ELP3: variants seen among roughly 807,000 people sequenced by gnomAD.
ELP3 encodes elongator acetyltransferase complex subunit 3, also known as elongator complex protein 3.
In ELP3, 56 loss-of-function variants were observed where a neutral mutation model predicts 74.9. The ratio of observed to expected loss-of-function variants is 0.75; its 90% CI spans 0.60 to 0.93. The LOEUF is 0.93. Among genes scored for constraint, ELP3 ranks in the 40% least tolerant of loss-of-function variants. The probability of loss-of-function intolerance (pLI) is 0.00; values close to 1 mark genes in which losing one functional copy is unlikely to be tolerated. For missense variants in ELP3, 573 were observed against 686.5 expected, an observed-to-expected ratio of 0.83 and a Z score of 1.85; for synonymous variants, 222 against 239.8, an observed-to-expected ratio of 0.93 and a Z score of 0.68.
At chr8:28,094,928 G>A (rs1274500055) in intron 1 of ELP3, among the ~76,000 whole-genome samples, 1 of 151,958 alleles carries the variant, frequency 6.6e-6, no homozygotes, top group Non-Finnish European at 1.5e-5. Context: ...TCTTTGTACC[G>A]ATAATATTCT....
intron 12 of ELP3, among the ~76,000 whole-genome samples, chr8:28,159,617 G>A (rs577429181): frequency 1.3e-5 from 2 of 152,316 alleles, no homozygotes; most frequent in Admixed American, 1.3e-4. Context: ...CCAAAAGCCT[G>A]TGCAGACTGC....
At chr8:28,186,139 G>A (rs1815230631) in intron 14 of ELP3, among the ~76,000 whole-genome samples, 1 of 152,116 alleles carries the variant, frequency 6.6e-6, no homozygotes, top group South Asian at 2.1e-4. Context: ...TCAAATTCAT[G>A]GAGACAGAAA....
At chr8:28,184,068 G>C (rs529003096) in intron 14 of ELP3, among the ~76,000 whole-genome samples, 40 of 152,236 alleles carry the variant, frequency 2.6e-4, no homozygotes, top group Non-Finnish European at 4.4e-4. Context: ...GAGGGGATCA[G>C]AGCAGAGCAA....
At chr8:28,174,336 A>G (rs1585747395) in intron 14 of ELP3, among the ~76,000 whole-genome samples, 1 of 152,064 alleles carries the variant, frequency 6.6e-6, no homozygotes, top group East Asian at 1.9e-4. Flanking sequence ...AACATTTATC[A>G]CCATATAATG....
chr8:28,138,259 T>C (rs908481307), intron 10 of ELP3, among the ~76,000 whole-genome samples: 9 of 152,118 alleles, frequency 5.9e-5, no homozygotes, highest in Non-Finnish European at 1.2e-4. Context: ...GCAATCTCTG[T>C]TCTAGAGCCT....
At chr8:28,143,045 TC>T (rs1813306106) in intron 10 of ELP3, among the ~76,000 whole-genome samples, 1 of 152,230 alleles carries the variant, frequency 6.6e-6, no homozygotes, top group Non-Finnish European at 1.5e-5. Flanking sequence ...TTTTGCTACT[TC>T]CTTTTTACTC....
chr8:28,120,622 C>T (rs79771130), intron 7 of ELP3, among the ~76,000 whole-genome samples: 18,750 of 152,148 alleles, frequency 0.12, 1,285 homozygotes, highest in East Asian at 0.31. Context: ...AACCATTGCA[C>T]GTTCCCAAGG....
intron 14 of ELP3, among the ~76,000 whole-genome samples, chr8:28,173,845 G>T (rs960550774): frequency 2.0e-5 from 3 of 151,764 alleles, no homozygotes; most frequent in East Asian, 1.9e-4. Context: ...TTTTCCTTGT[G>T]ATTTCTTCTT....
intron 14 of ELP3, among the ~76,000 whole-genome samples, chr8:28,172,137 C>G (rs551343065): frequency 6.6e-6 from 1 of 152,004 alleles, no homozygotes; most frequent in Non-Finnish European, 1.5e-5. Context: ...TCCCGGGTTC[C>G]TTCAAATTCC....
At chr8:28,115,043 G>A (rs1171808652) in intron 7 of ELP3, among the ~76,000 whole-genome samples, 3 of 152,150 alleles carry the variant, frequency 2.0e-5, no homozygotes, top group Admixed American at 6.5e-5. Context: ...TGACACTAAG[G>A]TTTTGGCTGT....
At chr8:28,105,991 C>T (rs146044102) in intron 3 of ELP3, among the ~76,000 whole-genome samples, 20 of 152,158 alleles carry the variant, frequency 1.3e-4, no homozygotes, top group Admixed American at 1.2e-3. Flanking sequence ...GTTCATGAGG[C>T]GTTTGAGTCA....
At position 28,134,929 on chromosome 8, in the gene ELP3, C is replaced by CT. The variant is rs34364991; in HGVS notation, c.906+2538dup. Among the ~76,000 whole-genome samples the CT allele has an allele frequency of 8.3e-3, 1,194 of 143,464 alleles. 28 individuals are homozygous for CT. Among genetic ancestry groups the CT allele is most frequent in the East Asian group, 0.073 (367 of 5,036 alleles). 94.1% of individuals were successfully genotyped at this position (143,464 alleles called of 152,430 possible). On this transcript the variant is annotated intron_variant, in intron 9 of 14. Transcript: ENST00000256398. ...ATGATCTTCAACCAGTTTCTTATGC[C>CT]TTTTTTTTTTTTTCCTTGAGACGGA...
intron 1 of ELP3, among the ~76,000 whole-genome samples, chr8:28,096,127 T>C (rs1285467932): frequency 6.6e-6 from 1 of 152,226 alleles, no homozygotes; most frequent in Non-Finnish European, 1.5e-5. Flanking sequence ...TGTGTGCTCC[T>C]TATGAGAATC....
intron 14 of ELP3, among the ~76,000 whole-genome samples, chr8:28,179,515 G>A (rs1164409449): frequency 6.6e-6 from 1 of 152,132 alleles, no homozygotes; most frequent in Non-Finnish European, 1.5e-5. Context: ...GATAGTAAGG[G>A]GGTTGGGGTG....
chr8:28,124,722 CA>C (rs1479221619), intron 7 of ELP3, among the ~76,000 whole-genome samples: 4 of 152,130 alleles, frequency 2.6e-5, no homozygotes. Context: ...AAACCTCAAA[CA>C]AAATGTTATA....
At chr8:28,120,262 T>G (rs111452898) in intron 7 of ELP3, among the ~76,000 whole-genome samples, 13 of 152,368 alleles carry the variant, frequency 8.5e-5, no homozygotes, top group African/African-American at 3.1e-4. Context: ...TCACTCTTTT[T>G]AATTTTAGCC....
chr8:28,125,301 ATTTGG>A (rs1812527780), intron 7 of ELP3, among the ~76,000 whole-genome samples: 1 of 152,178 alleles, frequency 6.6e-6, no homozygotes, highest in African/African-American at 2.4e-5. Flanking sequence ...TTACTGTGCA[ATTTGG>A]TTTGAACAGG....
chr8:28,143,163 A>G (rs7017268), intron 10 of ELP3, among the ~76,000 whole-genome samples: 91,523 of 152,086 alleles, frequency 0.6, 29,022 homozygotes, highest in East Asian at 0.93. Context: ...TAGACTAGGC[A>G]TATGCAGTGC....
chr8:28,158,466 G>T, intron 11 of ELP3, 102 bp from the exon 12 acceptor site: 2 of 816,470 alleles, frequency 2.4e-6, no homozygotes, highest in Non-Finnish European at 4.1e-6. Flanking sequence ...CCCAGGGTTT[G>T]GTGGAGAGGT....
Sources: allele counts gnomAD v4.1 joint callset (sites outside exome capture counted in the v4.1 genomes callset), GRCh38; gene constraint gnomAD v4.1.1; transcripts MANE v1.5; gene names NCBI Gene and HGNC (gene_info 2026-07-23, HGNC 2026-07-21).